Variants in NFIA observed in about 807,000 individuals in gnomAD.
NFIA encodes the protein nuclear factor I A.
Under a neutral mutation model 62.8 loss-of-function variants are expected in NFIA, and 8 were observed. That is an observed-to-expected ratio of 0.13 (90% confidence interval 0.07 to 0.23). The LOEUF is 0.23. Among genes scored for constraint, NFIA ranks in the 10% least tolerant of loss-of-function variants. The probability of loss-of-function intolerance (pLI) is 1.00; values close to 1 mark genes in which losing one functional copy is unlikely to be tolerated. For missense variants in NFIA, 410 were observed against 642.1 expected, an observed-to-expected ratio of 0.64 and a Z score of 3.91; for synonymous variants, 235 against 238.1, an observed-to-expected ratio of 0.99 and a Z score of 0.12.
chr1:61,444,698 A>G (rs962179214), intron 10 of NFIA, among the ~76,000 whole-genome samples: 64 of 152,228 alleles, frequency 4.2e-4, no homozygotes, highest in African/African-American at 1.5e-3. Context: ...CTAGAATAGC[A>G]CAAATTGGCA....
intron 9 of NFIA, among the ~76,000 whole-genome samples, chr1:61,421,455 T>G (rs901155716): frequency 6.6e-6 from 1 of 152,230 alleles, no homozygotes; most frequent in Non-Finnish European, 1.5e-5. Flanking sequence ...TGTTTGCTAC[T>G]TCCGTATATT....
intron 6 of NFIA, among the ~76,000 whole-genome samples, chr1:61,364,748 A>C (rs1190926688): frequency 6.6e-6 from 1 of 152,220 alleles, no homozygotes; most frequent in African/African-American, 2.4e-5. Flanking sequence ...TTTGTAGAAC[A>C]TTTTATGTAG....
chr1:61,181,490 A>C (rs1418973212), intron 2 of NFIA, among the ~76,000 whole-genome samples: 5 of 152,242 alleles, frequency 3.3e-5, no homozygotes, highest in African/African-American at 1.2e-4. Context: ...TTCATTGTGA[A>C]AGTCTGTAAG....
intron 2 of NFIA, among the ~76,000 whole-genome samples, chr1:61,127,602 A>G (rs1317054220): frequency 6.6e-6 from 1 of 152,234 alleles, no homozygotes; most frequent in African/African-American, 2.4e-5. Context: ...TTTCAGCCAG[A>G]AGATATGGTG....
chr1:61,312,555 C>G (rs1194828687), intron 3 of NFIA, among the ~76,000 whole-genome samples: 3 of 151,960 alleles, frequency 2.0e-5, no homozygotes, highest in Non-Finnish European at 4.4e-5. Context: ...CGTGGTCACC[C>G]AGGCTGGAGT....
At chr1:61,216,013 G>A (rs944999936) in intron 2 of NFIA, among the ~76,000 whole-genome samples, 1 of 152,196 alleles carries the variant, frequency 6.6e-6, no homozygotes, top group East Asian at 1.9e-4. Context: ...ATGTTACCAG[G>A]TGCAAGGACA....
intron 3 of NFIA, among the ~76,000 whole-genome samples, chr1:61,327,034 A>ATATAT (rs201517029): frequency 2.7e-5 from 4 of 147,624 alleles, no homozygotes; most frequent in East Asian, 2.0e-4. Flanking sequence ...AAAAGAAAAA[A>ATATAT]AAATATATAT....
Position 61,431,505 on chromosome 1 carries a change from C to G in NFIA, c.1512+4949C>G, listed in dbSNP as rs576246571. 7.9e-5 allele frequency among the ~76,000 whole-genome samples: 12 copies of G among 152,350 alleles called. No homozygotes were observed. The East Asian group carries it at 2.3e-3, about 29-fold the overall frequency. On this transcript the variant is annotated intron_variant, in intron 10 of 10. Transcript: ENST00000403491. ...ATGGTACCCAAAATGCTATTTAAAA[C>G]CAAATTACCATTTGGACTATTAGAA...
chr1:61,372,239 A>G (rs1663923908), intron 6 of NFIA, among the ~76,000 whole-genome samples: 1 of 152,144 alleles, frequency 6.6e-6, no homozygotes, highest in Non-Finnish European at 1.5e-5. Flanking sequence ...GAAACCCAAC[A>G]AAGACTATGA....
intron 9 of NFIA, among the ~76,000 whole-genome samples, chr1:61,418,072 C>G (rs932249097): frequency 6.6e-6 from 1 of 152,148 alleles, no homozygotes; most frequent in Non-Finnish European, 1.5e-5. Flanking sequence ...TTTCTATTTA[C>G]TATGTTGCAC....
rs185017582 is a variant in NFIA at position 61,145,557 on chromosome 1, C to A, written c.559+56877C>A. On this transcript the variant is annotated intron_variant, in intron 2 of 10. Coordinates refer to ENST00000403491, the MANE Select transcript of NFIA (RefSeq NM_001134673.4). ...AAGATATAGCAGTGAATGAATGGGA[C>A]AAAAGTCTCTGCCCTCTTGGTATAT... Among the ~76,000 whole-genome samples, 1,287 of 152,274 alleles carry A rather than the reference C, an allele frequency of 8.5e-3. 3 individuals carry two copies. The highest frequency in any genetic ancestry group is 0.011 in the Non-Finnish European group (745 of 68,028).
At chr1:61,078,424 T>A (rs1317991629), upstream of NFIA, among the ~76,000 whole-genome samples, 1 of 152,220 alleles carries the variant, frequency 6.6e-6, no homozygotes, top group African/African-American at 2.4e-5. Context: ...ACTTGTGGAA[T>A]GTGAAGTTCA....
At chr1:61,368,289 G>A (rs35814266) in intron 6 of NFIA, among the ~76,000 whole-genome samples, 29,601 of 152,112 alleles carry the variant, frequency 0.19, 4,430 homozygotes, top group African/African-American at 0.42. Flanking sequence ...TACAGCCCCC[G>A]TGGCTCAGGT....
chr1:61,387,862 C>T (rs1664784811), intron 7 of NFIA, among the ~76,000 whole-genome samples: 1 of 152,192 alleles, frequency 6.6e-6, no homozygotes, highest in African/African-American at 2.4e-5. Flanking sequence ...TGCAGTACTT[C>T]CTTGTAAGAA....
intron 9 of NFIA, among the ~76,000 whole-genome samples, chr1:61,408,553 C>T (rs1449467022): frequency 2.0e-5 from 3 of 152,162 alleles, no homozygotes; most frequent in Non-Finnish European, 4.4e-5. Flanking sequence ...AGGACATTGC[C>T]ACAGTCTTTT....
At chr1:61,328,547 G>A (rs1001694022) in intron 3 of NFIA, among the ~76,000 whole-genome samples, 15 of 151,436 alleles carry the variant, frequency 9.9e-5, no homozygotes, top group South Asian at 4.2e-4. Context: ...CAGCCCTCCC[G>A]AGTAGCTGGG....
At chr1:61,089,655 G>T (rs555153011) in intron 2 of NFIA, among the ~76,000 whole-genome samples, 3 of 144,588 alleles carry the variant, frequency 2.1e-5, no homozygotes, top group African/African-American at 5.1e-5. Context: ...AATCCTACCA[G>T]TAGGTTGTTT....
chr1:61,145,311 A>G (rs1269720497), intron 2 of NFIA, among the ~76,000 whole-genome samples: 2 of 152,162 alleles, frequency 1.3e-5, no homozygotes, highest in Non-Finnish European at 2.9e-5. Flanking sequence ...TCTATTGCAT[A>G]TTGGACTTCA....
At chr1:61,334,856 C>T (rs994355073) in intron 4 of NFIA, among the ~76,000 whole-genome samples, 2 of 151,916 alleles carry the variant, frequency 1.3e-5, no homozygotes, top group African/African-American at 4.8e-5. Flanking sequence ...CCCCCAGCCT[C>T]TCCTCCTCCT....
Sources: gnomAD v4.1 joint callset for allele counts (sites outside exome capture counted in the v4.1 genomes callset) on GRCh38, gnomAD v4.1.1 for gene constraint, MANE v1.5 for transcripts, NCBI Gene and HGNC (gene_info 2026-07-23, HGNC 2026-07-21) for gene names.